GRIK2: variants seen among roughly 807,000 people sequenced by gnomAD.
GRIK2 encodes glutamate ionotropic receptor kainate type subunit 2, also known as glutamate receptor ionotropic, kainate 2.
GRIK2 carries 32 observed loss-of-function variants against 100.3 expected under a neutral mutation model. That is an observed-to-expected ratio of 0.32 (90% CI 0.24 to 0.43). The LOEUF (loss-of-function observed/expected upper bound fraction) is 0.43, where lower values mean the gene tolerates loss of function less well. Among genes scored for constraint, GRIK2 ranks in the 20% least tolerant of loss-of-function variants. The pLI is 1.00. For synonymous variants in GRIK2, 417 were observed against 389.4 expected, an observed-to-expected ratio of 1.07 and a Z score of -0.83; for missense variants, 843 against 1,114.9, an observed-to-expected ratio of 0.76 and a Z score of 3.47.
At chr6:101,638,580 A>G (rs1348828906) in intron 4 of GRIK2, among the ~76,000 whole-genome samples, 1 of 152,092 alleles carries the variant, frequency 6.6e-6, no homozygotes, top group Admixed American at 6.6e-5. Flanking sequence ...CCACGGGGAA[A>G]ATAGATTAAG....
chr6:101,860,425 G>A (rs1167848293), intron 11 of GRIK2, among the ~76,000 whole-genome samples: 2 of 152,246 alleles, frequency 1.3e-5, no homozygotes, highest in Middle Eastern at 3.4e-3. Flanking sequence ...GAATATTTAT[G>A]AAAGGAGAAA....
chr6:101,693,217 T>C (rs559271743), intron 7 of GRIK2, among the ~76,000 whole-genome samples: 7 of 152,254 alleles, frequency 4.6e-5, no homozygotes, highest in South Asian at 2.1e-4. Context: ...TGAAGCATTA[T>C]CTTTATGGTC....
chr6:101,748,668 A>C (rs982602161), intron 7 of GRIK2, among the ~76,000 whole-genome samples: 1 of 152,024 alleles, frequency 6.6e-6, no homozygotes, highest in Non-Finnish European at 1.5e-5. Context: ...CTGATACTCT[A>C]CAGCTGTTGA....
At chr6:101,429,386 A>G (rs891258276) in intron 2 of GRIK2, among the ~76,000 whole-genome samples, 13 of 152,222 alleles carry the variant, frequency 8.5e-5, no homozygotes, top group Admixed American at 2.0e-4. Context: ...CCCTAACTAC[A>G]TATGCACTGT....
At chr6:101,599,579 A>G (rs956504849) in intron 2 of GRIK2, among the ~76,000 whole-genome samples, 1 of 150,748 alleles carries the variant, frequency 6.6e-6, no homozygotes, top group African/African-American at 2.4e-5. Flanking sequence ...GCTAGCCTCT[A>G]TACTTTTTTA....
intron 2 of GRIK2, among the ~76,000 whole-genome samples, chr6:101,566,922 C>A (rs1252717725): frequency 1.3e-5 from 2 of 150,092 alleles, no homozygotes; most frequent in Admixed American, 1.3e-4. Context: ...TAAATACATA[C>A]ATTTTCTATA....
intron 7 of GRIK2, among the ~76,000 whole-genome samples, chr6:101,734,709 G>T (rs1160772829): frequency 6.6e-6 from 1 of 152,194 alleles, no homozygotes; most frequent in Non-Finnish European, 1.5e-5. Flanking sequence ...ACACATTAAA[G>T]AATTGGGAAC....
At chr6:101,584,383 C>T (rs771472671) in intron 2 of GRIK2, among the ~76,000 whole-genome samples, 2 of 151,922 alleles carry the variant, frequency 1.3e-5, no homozygotes, top group Non-Finnish European at 2.9e-5. Flanking sequence ...CTCAGGTTTT[C>T]AAATAAAAAT....
chr6:101,844,789 G>C (rs1783710700), intron 10 of GRIK2, among the ~76,000 whole-genome samples: 1 of 152,042 alleles, frequency 6.6e-6, no homozygotes, highest in South Asian at 2.1e-4. Flanking sequence ...TAAGTTCAGA[G>C]GGCTAGATAC....
At chr6:101,884,982 T>C (rs911716911) in intron 11 of GRIK2, among the ~76,000 whole-genome samples, 1 of 152,102 alleles carries the variant, frequency 6.6e-6, no homozygotes, top group Non-Finnish European at 1.5e-5. Context: ...CTTTGTTAGA[T>C]TTCCAGGGAG....
chr6:101,509,081 C>T (rs1774168572), intron 2 of GRIK2, among the ~76,000 whole-genome samples: 1 of 147,570 alleles, frequency 6.8e-6, no homozygotes, highest in Admixed American at 7.0e-5. Context: ...TGGCGTCAAC[C>T]AGGGAGGCGG....
chr6:101,522,949 TAA>T (rs1453409560), intron 2 of GRIK2, among the ~76,000 whole-genome samples: 1 of 151,076 alleles, frequency 6.6e-6, no homozygotes, highest in African/African-American at 2.4e-5. Flanking sequence ...TTTATTAAAT[TAA>T]TGAACTAATG....
chr6:101,994,711 A>G (rs562167638), intron 14 of GRIK2, among the ~76,000 whole-genome samples: 2 of 151,868 alleles, frequency 1.3e-5, no homozygotes, highest in Non-Finnish European at 2.9e-5. Flanking sequence ...GTCTTTTTCC[A>G]TTAGAGCTAG....
At chr6:101,961,683 C>T (rs977742698) in intron 14 of GRIK2, among the ~76,000 whole-genome samples, 1 of 152,016 alleles carries the variant, frequency 6.6e-6, no homozygotes. Flanking sequence ...GTGCACACTC[C>T]GGTTTTTGTT....
intron 14 of GRIK2, among the ~76,000 whole-genome samples, chr6:101,997,869 T>C (rs1794732276): frequency 6.6e-6 from 1 of 152,130 alleles, no homozygotes; most frequent in Non-Finnish European, 1.5e-5. Context: ...AAGTTTATTA[T>C]GATATGTAAA....
At chr6:102,064,389 T>TTCTC (rs367926395) in intron 16 of GRIK2, among the ~76,000 whole-genome samples, 116 of 136,966 alleles carry the variant, frequency 8.5e-4, no homozygotes, top group Non-Finnish European at 1.4e-3. Flanking sequence ...TTTCTTTCCT[T>TTCTC]TCTCTCTCTC....
intron 10 of GRIK2, among the ~76,000 whole-genome samples, chr6:101,818,815 A>C (rs1250441429): frequency 2.6e-5 from 4 of 152,210 alleles, no homozygotes; most frequent in African/African-American, 7.2e-5. Context: ...AATATAGTTA[A>C]GTGATGAGCC....
intron 4 of GRIK2, among the ~76,000 whole-genome samples, chr6:101,643,321 T>C (rs547879201): frequency 1.3e-5 from 2 of 151,782 alleles, no homozygotes; most frequent in African/African-American, 4.8e-5. Context: ...TTTTCCCCTA[T>C]GTTTTTTTCT....
chr6:101,527,386 A>G (rs867750119), intron 2 of GRIK2, among the ~76,000 whole-genome samples: 70 of 152,278 alleles, frequency 4.6e-4, no homozygotes, highest in Middle Eastern at 3.4e-3. Context: ...GAGGTCTCAT[A>G]ACAATGATTA....
Sources: gnomAD v4.1 joint callset for allele counts (sites outside exome capture counted in the v4.1 genomes callset) on GRCh38, gnomAD v4.1.1 for gene constraint, MANE v1.5 for transcripts, NCBI Gene and HGNC (gene_info 2026-07-23, HGNC 2026-07-21) for gene names.